The following SP140 variants were observed in gnomAD, a reference collection of about 807,000 sequenced individuals.
SP140 encodes SP140 nuclear body protein, also known as nuclear body protein SP140.
Under a neutral mutation model 125.0 loss-of-function variants are expected in SP140, and 81 were observed. That is an observed-to-expected ratio of 0.65 (90% CI 0.54 to 0.78). The LOEUF is 0.78. SP140 is among the 30% of genes least tolerant of loss of function. SP140 has a pLI of 0.00. For missense variants in SP140, 858 were observed against 1,037.0 expected, an observed-to-expected ratio of 0.83 and a Z score of 2.37; for synonymous variants, 312 against 354.0, an observed-to-expected ratio of 0.88 and a Z score of 1.33.
chr2:230,232,845 GC>G (rs1559215618), intron 1 of SP140, among the ~76,000 whole-genome samples: 1 of 152,092 alleles, frequency 6.6e-6, no homozygotes, highest in African/African-American at 2.4e-5. Context: ...TTTTTTAACA[GC>G]CTTGAAAGAT....
chr2:230,310,402 G>A, intron 23 of SP140: 2 of 507,488 alleles, frequency 3.9e-6, no homozygotes, highest in Non-Finnish European at 7.1e-6. Flanking sequence ...TCATTGGGCT[G>A]TTGGAGGCCC....
intron 3 of SP140, chr2:230,238,843 T>C (rs2048331542): frequency 6.4e-7 from 1 of 1,554,330 alleles, no homozygotes; most frequent in Non-Finnish European, 8.7e-7. Flanking sequence ...GCCTAGCACA[T>C]ACTGGTACAC....
rs7582032 is a variant in SP140, at chr2:230,285,683, G to A, written c.1565-69G>A. Reference sequence around the variant, plus strand: ...TGAGACCCAGGACTCCCTCACTTGCGTTTGTTCCTGCCTGACAGCTGTTGT... The same window carrying A: ...TGAGACCCAGGACTCCCTCACTTGCATTTGTTCCTGCCTGACAGCTGTTGT... On this transcript the variant is annotated intron_variant, in intron 16 of 26. Transcript: ENST00000392045. 3,536 of 1,323,724 alleles carry A rather than the reference G, an allele frequency of 2.7e-3. 50 individuals are homozygous for A. In the African/African-American group the frequency reaches 0.046, roughly 17 times the overall value. 82.0% of individuals were successfully genotyped at this position (1,323,724 alleles called of 1,614,324 possible). A position where few individuals can be genotyped will look rare whatever the true frequency, so the allele number is the denominator to read the frequency against.
chr2:230,192,359 A>G, the SP140 span, among the ~76,000 whole-genome samples: 2 of 152,206 alleles, frequency 1.3e-5, no homozygotes, highest in African/African-American at 4.8e-5. Flanking sequence ...CTGTTTGCAG[A>G]TGACATGATT....
upstream of SP140, among the ~76,000 whole-genome samples, chr2:230,222,695 C>CAAAAAAA (rs34703280): frequency 8.0e-6 from 1 of 124,226 alleles, no homozygotes. Context: ...GACCCTGTCT[C>CAAAAAAA]AAAAAAAAAA....
intron 22 of SP140, among the ~76,000 whole-genome samples, chr2:230,304,035 T>A (rs575823899): frequency 6.6e-6 from 1 of 152,292 alleles, no homozygotes; most frequent in South Asian, 2.1e-4. Flanking sequence ...CTCCTAGATA[T>A]GATAAATGAA....
At chr2:230,193,255 A>G in the SP140 span, among the ~76,000 whole-genome samples, 1 of 152,050 alleles carries the variant, frequency 6.6e-6, no homozygotes, top group Admixed American at 6.6e-5. Context: ...TTGTGTGTTA[A>G]GTGAGTCTCT....
chr2:230,199,203 C>CTT (rs1480731036), upstream of SP140, among the ~76,000 whole-genome samples: 1 of 123,278 alleles, frequency 8.1e-6, no homozygotes, highest in Non-Finnish European at 1.7e-5. Context: ...CAACATAATC[C>CTT]TCTTTTTTTT....
At chr2:230,292,500 C>G (rs1253189588) in intron 19 of SP140, 146 bp from the exon 20 acceptor site, 2 of 1,066,006 alleles carry the variant, frequency 1.9e-6, no homozygotes, top group Non-Finnish European at 1.4e-6. Flanking sequence ...GATTTGGGGC[C>G]TCTGTAGTCT....
At chr2:230,274,085 G>A (rs988523717) in intron 15 of SP140, among the ~76,000 whole-genome samples, 1 of 150,066 alleles carries the variant, frequency 6.7e-6, no homozygotes, top group Non-Finnish European at 1.5e-5. Context: ...TAACAAACCT[G>A]CACATATATC....
At chr2:230,197,439 A>G in the SP140 span, among the ~76,000 whole-genome samples, 1 of 151,102 alleles carries the variant, frequency 6.6e-6, no homozygotes, top group African/African-American at 2.4e-5. Flanking sequence ...GATTCTGGAT[A>G]TTAGCCCTTT....
At chr2:230,312,346 CA>C (rs1364219792) in intron 26 of SP140, among the ~76,000 whole-genome samples, 1 of 152,150 alleles carries the variant, frequency 6.6e-6, no homozygotes, top group Non-Finnish European at 1.5e-5. Flanking sequence ...CAAATGTACT[CA>C]CCACAAAAAA....
At chr2:230,236,520 G>A (rs886916520) in intron 1 of SP140, among the ~76,000 whole-genome samples, 1 of 152,192 alleles carries the variant, frequency 6.6e-6, no homozygotes, top group Non-Finnish European at 1.5e-5. Flanking sequence ...CCTGCTGTTT[G>A]GAGACCCAGG....
intron 15 of SP140, among the ~76,000 whole-genome samples, chr2:230,276,967 G>C (rs140072943): frequency 6.6e-6 from 1 of 152,258 alleles, no homozygotes; most frequent in African/African-American, 2.4e-5. Context: ...GATAAACCTT[G>C]AGTGGACAAG....
chr2:230,293,661 G>A (rs2057381326), intron 20 of SP140, among the ~76,000 whole-genome samples: 1 of 152,048 alleles, frequency 6.6e-6, no homozygotes, highest in Admixed American at 6.5e-5. Flanking sequence ...AGACAGCCAC[G>A]GGGCTTTCCC....
At position 230,269,972 on chromosome 2, in the gene SP140, C is replaced by T. The variant is rs371559731; in HGVS notation, c.1444+19C>T. 1.7e-5 allele frequency: 27 copies of T among 1,567,046 alleles called. No individual in the cohort carries two copies. Among genetic ancestry groups the T allele is most frequent in the Admixed American group, 6.7e-5 (4 of 59,864 alleles). On this transcript the variant is annotated intron_variant, in intron 14 of 26. Transcript: ENST00000392045. ...ACAATGGGTAAGGCTGTCTGAGGGC[C>T]GTGGGATGGGGGTGGCTCAGTGGGC...
At chr2:230,238,625 G>C (rs1036477185) in intron 3 of SP140, 1 of 828,666 alleles carries the variant, frequency 1.2e-6, no homozygotes, top group Non-Finnish European at 1.9e-6. Flanking sequence ...ACTTGATTTT[G>C]ATGCTGTAAA....
chr2:230,221,629 T>C (rs2045828357), upstream of SP140: 2 of 1,373,858 alleles, frequency 1.5e-6, no homozygotes, highest in East Asian at 2.5e-5. Flanking sequence ...TGCAGTAACA[T>C]ACAGCGCTGT....
chr2:230,245,176 A>G, intron 6 of SP140, 96 bp downstream of exon 6: 1 of 780,642 alleles, frequency 1.3e-6, no homozygotes, highest in Non-Finnish European at 2.1e-6. Context: ...CAACCCTGTA[A>G]CACACTTTTG....
Sources: gnomAD v4.1 joint callset for allele counts (sites outside exome capture counted in the v4.1 genomes callset) on GRCh38, gnomAD v4.1.1 for gene constraint, MANE v1.5 for transcripts, NCBI Gene and HGNC (gene_info 2026-07-23, HGNC 2026-07-21) for gene names.